Variants in OXR1 observed in about 807,000 individuals in gnomAD.
The protein encoded by OXR1 is oxidation resistance protein 1.
In OXR1, 41 loss-of-function variants were observed where a neutral mutation model predicts 104.6. That is an observed-to-expected ratio of 0.39 (90% CI 0.31 to 0.51). The LOEUF is 0.51. Ranked by LOEUF, OXR1 falls within the 20% of genes least tolerant of loss-of-function variation. The probability of loss-of-function intolerance (pLI) is 0.77; values close to 1 mark genes in which losing one functional copy is unlikely to be tolerated. For missense variants in OXR1, 955 were observed against 1,031.9 expected (o/e 0.93, Z 1.02); for synonymous variants, 348 against 348.4 (o/e 1.00, Z 0.01).
rs545357148 is a variant in OXR1, at chr8:106,618,254, G to A, written c.221-60956G>A. The A allele has an allele frequency of 7.6e-6, 9 of 1,191,670 alleles. No individual in the cohort carries two copies. In the Admixed American group the frequency reaches 1.6e-4, roughly 21 times the overall value. The allele number at this position is 1,191,670 out of a possible 1,614,324, so 73.8% of individuals were successfully genotyped here. On this transcript the variant is annotated intron_variant, in intron 3 of 16. Transcript: ENST00000517566. ...AAAGTCAGATACAGCGGACATTAAA[G>A]GGCACACTTTATGTTGCATTTTCAA...
chr8:106,647,511 A>G (rs1824184305), intron 3 of OXR1, among the ~76,000 whole-genome samples: 1 of 152,160 alleles, frequency 6.6e-6, no homozygotes, highest in Non-Finnish European at 1.5e-5. Context: ...ATATAAAAAA[A>G]GAGTCAATTT....
chr8:106,420,281 A>G (rs532234528), intron 2 of OXR1, among the ~76,000 whole-genome samples: 3 of 152,024 alleles, frequency 2.0e-5, no homozygotes, highest in African/African-American at 7.2e-5. Flanking sequence ...TCTAACATTT[A>G]TTTTTAGTTG....
chr8:106,604,001 C>T (rs28502602), intron 3 of OXR1, among the ~76,000 whole-genome samples: 56,094 of 151,892 alleles, frequency 0.37, 11,204 homozygotes, highest in African/African-American at 0.52. Context: ...TGCAGTGAGC[C>T]GAGATAGTGC....
At chr8:106,413,582 A>G (rs1818548262) in intron 2 of OXR1, among the ~76,000 whole-genome samples, 1 of 152,100 alleles carries the variant, frequency 6.6e-6, no homozygotes. Flanking sequence ...TTAGATTTTT[A>G]TTTTAGCCCC....
intron 2 of OXR1, among the ~76,000 whole-genome samples, chr8:106,403,001 T>C (rs1223050553): frequency 6.6e-6 from 1 of 152,144 alleles, no homozygotes; most frequent in African/African-American, 2.4e-5. Context: ...TTTGTATTTT[T>C]AGTACAGACG....
At chr8:106,283,239 G>A (rs1448037193) in intron 1 of OXR1, among the ~76,000 whole-genome samples, 1 of 152,218 alleles carries the variant, frequency 6.6e-6, no homozygotes, top group Non-Finnish European at 1.5e-5. Context: ...CTTTTCCTAT[G>A]TGGAGCAACG....
At chr8:106,563,296 C>CAGAAAAAAAAAAAAAAAAAAAA (rs1563608023) in intron 3 of OXR1, among the ~76,000 whole-genome samples, 1 of 125,772 alleles carries the variant, frequency 8.0e-6, no homozygotes, top group Non-Finnish European at 1.7e-5. Flanking sequence ...AAATGGAAAG[C>CAGAAAAAAAAAAAAAAAAAAAA]AAAAAAAAAA....
chr8:106,466,537 C>G (rs920272795), intron 2 of OXR1, among the ~76,000 whole-genome samples: 5 of 151,828 alleles, frequency 3.3e-5, no homozygotes, highest in African/African-American at 1.2e-4. Context: ...CAAAAATTTA[C>G]ATCTTATAAA....
At chr8:106,498,721 G>GA (rs1811576650) in intron 2 of OXR1, among the ~76,000 whole-genome samples, 1 of 152,106 alleles carries the variant, frequency 6.6e-6, no homozygotes, top group Non-Finnish European at 1.5e-5. Flanking sequence ...TGATGCATCT[G>GA]GGCACTCATT....
chr8:106,490,224 G>A (rs1032625956), intron 2 of OXR1, among the ~76,000 whole-genome samples: 1 of 152,158 alleles, frequency 6.6e-6, no homozygotes, highest in Non-Finnish European at 1.5e-5. Context: ...TAAAGTATTT[G>A]AAAGCCACTG....
chr8:106,745,530 G>A (rs1356837971), intron 15 of OXR1, among the ~76,000 whole-genome samples: 1 of 152,108 alleles, frequency 6.6e-6, no homozygotes, highest in Non-Finnish European at 1.5e-5. Flanking sequence ...AGAGTCAGGA[G>A]AAAGAAGTAT....
At chr8:106,315,983 C>G (rs1335915837) in intron 1 of OXR1, among the ~76,000 whole-genome samples, 2 of 152,276 alleles carry the variant, frequency 1.3e-5, no homozygotes, top group East Asian at 1.9e-4. Flanking sequence ...CCTTTAAAAA[C>G]AGATAATCTA....
chr8:106,334,759 C>T (rs1814886391), intron 1 of OXR1, among the ~76,000 whole-genome samples: 2 of 152,098 alleles, frequency 1.3e-5, no homozygotes, highest in Admixed American at 1.3e-4. Context: ...TTTGCTGGGC[C>T]TATTGCAGAA....
chr8:106,380,352 T>C (rs571911544), intron 2 of OXR1, among the ~76,000 whole-genome samples: 1 of 152,302 alleles, frequency 6.6e-6, no homozygotes, highest in South Asian at 2.1e-4. Context: ...TACCATACTT[T>C]ACTCATGCAT....
chr8:106,633,410 T>C (rs561946712), intron 3 of OXR1, among the ~76,000 whole-genome samples: 1 of 152,326 alleles, frequency 6.6e-6, no homozygotes, highest in East Asian at 1.9e-4. Flanking sequence ...TCCCTTCAAT[T>C]ATTTTACTTT....
At chr8:106,516,225 A>G (rs776549588) in intron 2 of OXR1, among the ~76,000 whole-genome samples, 29 of 152,108 alleles carry the variant, frequency 1.9e-4, no homozygotes, top group Admixed American at 3.9e-4. Flanking sequence ...CAAAAGTCCA[A>G]TGGTCTATGA....
intron 2 of OXR1, among the ~76,000 whole-genome samples, chr8:106,401,584 G>T (rs893561507): frequency 2.6e-5 from 4 of 152,138 alleles, no homozygotes; most frequent in Non-Finnish European, 5.9e-5. Context: ...CAGTAGATTA[G>T]TTGGAGTAAC....
At position 106,702,426 on chromosome 8, in the gene OXR1, AGAGTC is replaced by A. The variant is rs1407437242; in HGVS notation, c.676-479_676-475del. On this transcript the variant is annotated intron_variant, in intron 7 of 16. Transcript: ENST00000517566. ...CAAGGTCACAAATCTAGGTAGTAGT[AGAGTC>A]AAGTGGAAACAGATTTTTTAAAGAG... Among the ~76,000 whole-genome samples, 3 of 152,342 alleles carry A rather than the reference AGAGTC, an allele frequency of 2.0e-5. No individual in the cohort carries two copies. The East Asian group carries it at 5.8e-4, about 29-fold the overall frequency.
chr8:106,393,484 CTA>C (rs1701307239), intron 2 of OXR1, among the ~76,000 whole-genome samples: 1 of 152,036 alleles, frequency 6.6e-6, no homozygotes, highest in Admixed American at 6.6e-5. Flanking sequence ...TTTTAACAGT[CTA>C]TGTTAAAAGT....
Sources: allele counts gnomAD v4.1 joint callset (sites outside exome capture counted in the v4.1 genomes callset), GRCh38; gene constraint gnomAD v4.1.1; transcripts MANE v1.5; gene names NCBI Gene and HGNC (gene_info 2026-07-23, HGNC 2026-07-21).